RPTOR: variants seen among roughly 807,000 people sequenced by gnomAD.
The protein encoded by RPTOR is regulatory-associated protein of mTOR.
RPTOR carries 21 observed loss-of-function variants against 169.9 expected under a neutral mutation model. The observed-to-expected ratio is 0.12, with a 90% CI of 0.09 to 0.18. RPTOR has a LOEUF of 0.18. Among genes scored for constraint, RPTOR ranks in the 10% least tolerant of loss-of-function variants. The probability of loss-of-function intolerance (pLI) is 1.00; values close to 1 mark genes in which losing one functional copy is unlikely to be tolerated. For missense variants in RPTOR, 1,133 were observed against 1,855.9 expected (o/e 0.61, Z 7.16); for synonymous variants, 732 against 753.2 (o/e 0.97, Z 0.46).
At chr17:80,926,673 A>C (rs1189682255) in intron 24 of RPTOR, among the ~76,000 whole-genome samples, 3 of 152,246 alleles carry the variant, frequency 2.0e-5, no homozygotes, top group Non-Finnish European at 4.4e-5. Flanking sequence ...ACATTCCTTA[A>C]AAAGAAAAAA....
chr17:80,940,549 G>A lies in RPTOR; in HGVS notation c.2973G>A (p.Arg991=), dbSNP rs748334967. 1 of 1,613,502 alleles carries A rather than the reference G, an allele frequency of 6.2e-7. No individual in the cohort carries two copies. Among genetic ancestry groups the A allele is most frequent in the Non-Finnish European group, 8.5e-7 (1 of 1,179,818 alleles). ...ESQIRKEREW[R]FLRNSRVRRQ... ...AGATCCGCAAGGAGCGGGAGTGGCGGTTCCTGCGAAACAGCCGTGTCAGGA... is the reference window on the plus strand; with the variant it reads ...AGATCCGCAAGGAGCGGGAGTGGCGATTCCTGCGAAACAGCCGTGTCAGGA... Residue 991 remains arginine (R), a synonymous_variant, in exon 25 of 34, where the codon CGG becomes CGA. Coordinates refer to ENST00000306801, the MANE Select transcript of RPTOR (RefSeq NM_020761.3).
At chr17:80,892,931 C>T (rs1253943823) in intron 19 of RPTOR, 62 bp downstream of exon 19, 115 of 1,570,636 alleles carry the variant, frequency 7.3e-5, no homozygotes, top group Non-Finnish European at 8.7e-5. Context: ...TTCTGAAACA[C>T]TGTATCTGAG....
intron 11 of RPTOR, among the ~76,000 whole-genome samples, chr17:80,849,368 G>T (rs572127405): frequency 7.6e-4 from 116 of 152,266 alleles, no homozygotes; most frequent in Non-Finnish European, 1.1e-3. Flanking sequence ...CGGCTGATTC[G>T]CAGCCCCTCC....
chr17:80,855,390 G>A lies in RPTOR; in HGVS notation c.1315-74G>A, dbSNP rs942297746. On this transcript the variant is annotated intron_variant, in intron 11 of 33. Transcript: ENST00000306801. ...TGGTCAGACCGCTCCAAAGCTGGCA[G>A]CTCATGCAGCAGCGTTTCGGGGTTG... The A allele has an allele frequency of 5.4e-6, 6 of 1,112,888 alleles. No homozygotes were observed. The South Asian group carries it at 6.2e-5, about 12-fold the overall frequency. 68.9% of individuals were successfully genotyped at this position (1,112,888 alleles called of 1,614,324 possible).
At chr17:80,551,102 T>C (rs1023896867) in intron 1 of RPTOR, among the ~76,000 whole-genome samples, 1 of 152,124 alleles carries the variant, frequency 6.6e-6, no homozygotes, top group African/African-American at 2.4e-5. Context: ...TTGGCCAGGC[T>C]GGTCTTGAAC....
chr17:80,637,202 TC>T (rs1395868342), intron 2 of RPTOR, among the ~76,000 whole-genome samples: 1 of 152,168 alleles, frequency 6.6e-6, no homozygotes, highest in African/African-American at 2.4e-5. Context: ...CAGCACTCCT[TC>T]CAGAGATGAG....
intron 13 of RPTOR, among the ~76,000 whole-genome samples, chr17:80,872,190 C>A (rs1420486044): frequency 1.3e-5 from 2 of 151,960 alleles, no homozygotes; most frequent in Non-Finnish European, 2.9e-5. Context: ...TTTGTGAAGC[C>A]AGCATCTTTC....
rs2067409561 is a variant in RPTOR at position 80,823,783 on chromosome 17, T to C, written c.1136+560T>C. 6.6e-6 allele frequency among the ~76,000 whole-genome samples: 1 copy of C among 152,196 alleles called. No individual in the cohort carries two copies. Among genetic ancestry groups the C allele is most frequent in the Non-Finnish European group, 1.5e-5 (1 of 68,042 alleles). Reference sequence around the variant, plus strand: ...CTATTAGTAGTAACAGTGACAATAATGTGATTTGTTTTTAGTCTAGACATT... The same window carrying C: ...CTATTAGTAGTAACAGTGACAATAACGTGATTTGTTTTTAGTCTAGACATT... On this transcript the variant is annotated intron_variant, in intron 9 of 33. Coordinates refer to ENST00000306801, the MANE Select transcript of RPTOR (RefSeq NM_020761.3). The surrounding 1 kb of genome is among the most constrained non-coding windows in gnomAD (Gnocchi z 4.5).
chr17:80,830,533 G>A (rs9892650), intron 9 of RPTOR, among the ~76,000 whole-genome samples: 1,754 of 152,328 alleles, frequency 0.012, 38 homozygotes, highest in African/African-American at 0.04. Context: ...GCCTTCTCAC[G>A]GCGTCGGGCT....
At chr17:80,780,293 C>T (rs975406451) in intron 6 of RPTOR, among the ~76,000 whole-genome samples, 8 of 152,028 alleles carry the variant, frequency 5.3e-5, no homozygotes, top group Admixed American at 1.3e-4. Flanking sequence ...CTGGAGCCGT[C>T]GGTGGAGAAG....
chr17:80,958,203 C>CT (rs112549506), intron 29 of RPTOR, among the ~76,000 whole-genome samples: 2 of 134,282 alleles, frequency 1.5e-5, no homozygotes, highest in African/African-American at 5.6e-5. Context: ...CCTCACCCCC[C>CT]CCCCCCACCA....
chr17:80,914,175 G>T (rs1391340390), intron 21 of RPTOR, among the ~76,000 whole-genome samples: 2 of 152,276 alleles, frequency 1.3e-5, no homozygotes, highest in Non-Finnish European at 2.9e-5. Context: ...AGCTACAGCT[G>T]GGGAGGTGTG....
chr17:80,561,350 C>T (rs2084492184), intron 1 of RPTOR, among the ~76,000 whole-genome samples: 1 of 148,184 alleles, frequency 6.7e-6, no homozygotes, highest in Admixed American at 6.9e-5. Flanking sequence ...ACCTCGTGAT[C>T]CGTCAGCCTC....
chr17:80,943,549 G>A (rs1323134121), intron 25 of RPTOR, among the ~76,000 whole-genome samples: 1 of 152,212 alleles, frequency 6.6e-6, no homozygotes, highest in Non-Finnish European at 1.5e-5. Context: ...CTGCTGCAAA[G>A]GGCGCCAACT....
chr17:80,757,438 C>T (rs180735047), intron 6 of RPTOR, among the ~76,000 whole-genome samples: 14 of 152,264 alleles, frequency 9.2e-5, no homozygotes, highest in African/African-American at 3.1e-4. Context: ...TCTCTTTTCA[C>T]GTACCAGTTT....
chr17:80,848,660 G>C (rs1398037686), intron 11 of RPTOR, among the ~76,000 whole-genome samples: 5 of 152,254 alleles, frequency 3.3e-5, no homozygotes, highest in Non-Finnish European at 7.3e-5. Context: ...GGGTTACCAG[G>C]ATGTCCCTCA....
At chr17:80,841,146 TC>T (rs2067643603) in intron 10 of RPTOR, among the ~76,000 whole-genome samples, 2 of 16,450 alleles carry the variant, frequency 1.2e-4, no homozygotes, top group Non-Finnish European at 1.2e-4. Context: ...GGCAGCTCAC[TC>T]TCACCGCACG....
intron 21 of RPTOR, among the ~76,000 whole-genome samples, chr17:80,919,045 C>T (rs555510070): frequency 2.6e-5 from 4 of 152,324 alleles, no homozygotes; most frequent in South Asian, 2.1e-4. Context: ...CCTCCACTGA[C>T]GCGGCGTTCT....
intron 17 of RPTOR, among the ~76,000 whole-genome samples, chr17:80,886,946 T>C (rs2068254645): frequency 6.6e-6 from 1 of 152,128 alleles, no homozygotes; most frequent in African/African-American, 2.4e-5. Context: ...AAATACTGCC[T>C]GGAGTGCTGT....
Sources: gnomAD v4.1 joint callset for allele counts (sites outside exome capture counted in the v4.1 genomes callset) on GRCh38, gnomAD v4.1.1 for gene constraint, Gnocchi (gnomAD v3.1) non-coding constraint, MANE v1.5 for transcripts, NCBI Gene and HGNC (gene_info 2026-07-23, HGNC 2026-07-21) for gene names.